VTI1A: variants seen among roughly 807,000 people sequenced by gnomAD.
VTI1A encodes vesicle transport through interaction with t-SNAREs homolog 1A.
In VTI1A, 22 loss-of-function variants were observed where a neutral mutation model predicts 34.9. That is an observed-to-expected ratio of 0.63 (90% CI 0.45 to 0.90). VTI1A has a LOEUF of 0.90. Ranked by LOEUF, VTI1A falls within the 40% of genes least tolerant of loss-of-function variation. The probability of loss-of-function intolerance (pLI) is 0.00; values close to 1 mark genes in which losing one functional copy is unlikely to be tolerated. For missense variants in VTI1A, 268 were observed against 275.6 expected, an observed-to-expected ratio of 0.97 and a Z score of 0.20; for synonymous variants, 87 against 97.3, an observed-to-expected ratio of 0.89 and a Z score of 0.62.
intron 5 of VTI1A, among the ~76,000 whole-genome samples, chr10:112,647,669 A>T (rs917099209): frequency 2.0e-5 from 3 of 152,198 alleles, no homozygotes; most frequent in Non-Finnish European, 4.4e-5. Context: ...TCCGTAGTTT[A>T]TGTATAGATT....
rs77307055 is a variant in VTI1A, at chr10:112,712,159, C to T, written c.560+43161C>T. On this transcript the variant is annotated intron_variant, in intron 7 of 7. Transcript: ENST00000393077. Reference sequence around the variant, plus strand: ...CTGTTCCATCCTCTTCAGATATATCCTGCCTGGATATCTTCATTCTTCTCA... The same window carrying T: ...CTGTTCCATCCTCTTCAGATATATCTTGCCTGGATATCTTCATTCTTCTCA... Among the ~76,000 whole-genome samples the T allele has an allele frequency of 8.4e-3, 1,275 of 152,200 alleles. 20 individuals are homozygous for T. Among genetic ancestry groups the T allele is most frequent in the African/African-American group, 0.028 (1,178 of 41,518 alleles).
At chr10:112,827,895 G>A in the VTI1A span, among the ~76,000 whole-genome samples, 1 of 152,076 alleles carries the variant, frequency 6.6e-6, no homozygotes, top group East Asian at 1.9e-4. Context: ...TAATATTCAA[G>A]GTTGTTTTTG....
chr10:112,528,974 C>A (rs935095619), intron 4 of VTI1A, among the ~76,000 whole-genome samples: 13 of 152,002 alleles, frequency 8.6e-5, no homozygotes, highest in Non-Finnish European at 1.6e-4. Context: ...GAAAACTGTT[C>A]CACAAAAATA....
intron 4 of VTI1A, among the ~76,000 whole-genome samples, chr10:112,535,570 T>C (rs1007207774): frequency 6.6e-6 from 1 of 152,182 alleles, no homozygotes; most frequent in Non-Finnish European, 1.5e-5. Context: ...TTGTAGTGCA[T>C]AGGGAGCTGA....
rs869104608 is a variant in VTI1A at position 112,780,321 on chromosome 10, T to TAAAA, written c.561-34968_561-34965dup. ...ATAAATAAATAAATAAATAAATAAATAAAATAATAACCTACCTATATGCCT... is the reference window on the plus strand; with the variant it reads ...ATAAATAAATAAATAAATAAATAAATAAAAAAAATAATAACCTACCTATATGCCT... On this transcript the variant is annotated intron_variant, in intron 7 of 7. Transcript: ENST00000393077. Among the ~76,000 whole-genome samples the TAAAA allele has an allele frequency of 3.2e-4, 42 of 130,316 alleles. No individual in the cohort carries two copies. The South Asian group carries it at 8.4e-3, about 26-fold the overall frequency. The allele number at this position is 130,316 out of a possible 152,430, so 85.5% of individuals were successfully genotyped here.
chr10:112,783,924 C>T (rs1038017124), intron 7 of VTI1A, among the ~76,000 whole-genome samples: 3 of 152,194 alleles, frequency 2.0e-5, no homozygotes, highest in Admixed American at 2.0e-4. Flanking sequence ...GCAAGAAGGA[C>T]AGCCGAAGGG....
chr10:112,811,712 A>AAAAAAAAAAAAAT, intron 7 of VTI1A, among the ~76,000 whole-genome samples: 1 of 84,066 alleles, frequency 1.2e-5, no homozygotes, highest in Non-Finnish European at 2.3e-5. Flanking sequence ...AAAAAAAAAA[A>AAAAAAAAAAAAAT]GAGTGCAGTC....
At chr10:112,610,163 T>C (rs1039800797) in intron 5 of VTI1A, among the ~76,000 whole-genome samples, 2 of 130,894 alleles carry the variant, frequency 1.5e-5, no homozygotes, top group Non-Finnish European at 3.1e-5. Context: ...AAAAATTATA[T>C]ACTTTTCCAG....
chr10:112,760,985 C>G (rs1474590295), intron 7 of VTI1A, among the ~76,000 whole-genome samples: 2 of 151,638 alleles, frequency 1.3e-5, no homozygotes, highest in Admixed American at 6.6e-5. Context: ...ATGCAGAAAT[C>G]GGACATAGAA....
At chr10:112,598,514 C>A (rs1044584589) in intron 5 of VTI1A, among the ~76,000 whole-genome samples, 3 of 152,172 alleles carry the variant, frequency 2.0e-5, no homozygotes, top group African/African-American at 7.2e-5. Flanking sequence ...GCCTTGCAGG[C>A]TATTTTTAAA....
At chr10:112,641,364 T>C (rs887493718) in intron 5 of VTI1A, among the ~76,000 whole-genome samples, 1 of 152,176 alleles carries the variant, frequency 6.6e-6, no homozygotes, top group Non-Finnish European at 1.5e-5. Context: ...ATAGCCACTT[T>C]CCTTACTTTG....
intron 4 of VTI1A, among the ~76,000 whole-genome samples, chr10:112,531,482 GAA>G (rs11284977): frequency 8.5e-4 from 119 of 140,052 alleles, no homozygotes; most frequent in Non-Finnish European, 9.7e-4. Context: ...CCTAAGCAAA[GAA>G]AAAAAAAAAA....
chr10:112,729,246 C>CTT (rs142145553), intron 7 of VTI1A, among the ~76,000 whole-genome samples: 1 of 152,088 alleles, frequency 6.6e-6, no homozygotes, highest in Non-Finnish European at 1.5e-5. Context: ...CTTGGATTAA[C>CTT]TTTTCTAACA....
chr10:112,716,039 G>C (rs1315990897), intron 7 of VTI1A, among the ~76,000 whole-genome samples: 3 of 152,184 alleles, frequency 2.0e-5, no homozygotes, highest in Non-Finnish European at 4.4e-5. Flanking sequence ...CCAGCTGGGA[G>C]CGGACCCCTA....
chr10:112,783,936 C>T (rs537455654), intron 7 of VTI1A, among the ~76,000 whole-genome samples: 3 of 152,242 alleles, frequency 2.0e-5, no homozygotes, highest in East Asian at 1.9e-4. Flanking sequence ...GCCGAAGGGC[C>T]GCCTTCTCCC....
chr10:112,830,849 A>ATATATATATATATTTTTT, the VTI1A span, among the ~76,000 whole-genome samples: 28 of 33,480 alleles, frequency 8.4e-4, no homozygotes, highest in East Asian at 4.4e-3. Context: ...ATATATATAT[A>ATATATATATATATTTTTT]TTTTTTTTTT....
chr10:112,815,983 TA>T lies in VTI1A; in HGVS notation c.*602del. The T allele has an allele frequency of 1.3e-5, 3 of 227,548 alleles. No homozygotes were observed. Among genetic ancestry groups the T allele is most frequent in the African/African-American group, 6.7e-5 (3 of 45,102 alleles). The allele number at this position is 227,548 out of a possible 1,614,324, so 14.1% of individuals were successfully genotyped here. A position where few individuals can be genotyped will look rare whatever the true frequency, so the allele number is the denominator to read the frequency against. ...GCACTTTCCCTGTTTTTCTATTGCA[TA>T]ATTTTTTTTTTAACCCAAAGATATT... On this transcript the variant is annotated 3_prime_UTR_variant, in exon 8 of 8. Coordinates refer to ENST00000393077, the MANE Select transcript of VTI1A (RefSeq NM_145206.4).
intron 5 of VTI1A, among the ~76,000 whole-genome samples, chr10:112,601,389 A>T (rs2134471459): frequency 6.6e-6 from 1 of 151,682 alleles, no homozygotes; most frequent in Non-Finnish European, 1.5e-5. Context: ...AATATTAAGA[A>T]GGTTCTCGGC....
At chr10:112,567,869 G>C (rs1263529954) in intron 5 of VTI1A, among the ~76,000 whole-genome samples, 2 of 152,140 alleles carry the variant, frequency 1.3e-5, no homozygotes, top group African/African-American at 4.8e-5. Context: ...GTGGAAAGGA[G>C]GACCATTTTA....
Sources: allele counts gnomAD v4.1 joint callset (sites outside exome capture counted in the v4.1 genomes callset), GRCh38; gene constraint gnomAD v4.1.1; transcripts MANE v1.5; gene names NCBI Gene and HGNC (gene_info 2026-07-23, HGNC 2026-07-21).